Variants in REDIC1 observed in about 807,000 individuals in gnomAD.
REDIC1 encodes the protein regulator of DNA class I crossover intermediates 1.
chr12:39,685,201 T>G, the REDIC1 span, among the ~76,000 whole-genome samples: 5 of 152,348 alleles, frequency 3.3e-5, no homozygotes, highest in East Asian at 7.7e-4. Flanking sequence ...AACTTCTGTA[T>G]TAGTTGATTC....
chr12:39,674,271 C>T, the REDIC1 span, among the ~76,000 whole-genome samples: 2 of 152,116 alleles, frequency 1.3e-5, no homozygotes, highest in Non-Finnish European at 2.9e-5. Context: ...CTGTAAATTT[C>T]TTGTTGGCAA....
chr12:39,850,732 C>T, the REDIC1 span, among the ~76,000 whole-genome samples: 1 of 152,086 alleles, frequency 6.6e-6, no homozygotes. Context: ...TTTGATTACA[C>T]AGGCCAAGAT....
the REDIC1 span, among the ~76,000 whole-genome samples, chr12:39,748,265 G>T: frequency 1.1e-4 from 17 of 152,048 alleles, no homozygotes; most frequent in Non-Finnish European, 2.5e-4. Context: ...AAAGGCAGGG[G>T]TTGCAATCCT....
At chr12:39,846,226 A>C in the REDIC1 span, among the ~76,000 whole-genome samples, 1 of 152,168 alleles carries the variant, frequency 6.6e-6, no homozygotes, top group Non-Finnish European at 1.5e-5. Flanking sequence ...GTATATCAAC[A>C]TAGGTATTTT....
the REDIC1 span, among the ~76,000 whole-genome samples, chr12:39,667,869 T>C: frequency 4.6e-5 from 7 of 152,346 alleles, no homozygotes; most frequent in South Asian, 1.0e-3. Flanking sequence ...GTCTGTTTTA[T>C]CAGAGACTAG....
At chr12:39,868,027 A>T in the REDIC1 span, among the ~76,000 whole-genome samples, 2 of 152,250 alleles carry the variant, frequency 1.3e-5, no homozygotes, top group African/African-American at 2.4e-5. Flanking sequence ...GCATAAAACA[A>T]CTTGAATTAC....
the REDIC1 span, among the ~76,000 whole-genome samples, chr12:39,661,718 A>G: frequency 6.6e-6 from 1 of 152,006 alleles, no homozygotes; most frequent in Non-Finnish European, 1.5e-5. Flanking sequence ...AAGTCATAAA[A>G]TCTTTGCCTA....
At chr12:39,738,999 C>T in the REDIC1 span, among the ~76,000 whole-genome samples, 1 of 151,462 alleles carries the variant, frequency 6.6e-6, no homozygotes, top group Non-Finnish European at 1.5e-5. Context: ...ATTTCTGATT[C>T]AATATTTTTA....
chr12:39,790,754 C>G, the REDIC1 span, among the ~76,000 whole-genome samples: 1 of 79,158 alleles, frequency 1.3e-5, no homozygotes, highest in African/African-American at 4.9e-5. Context: ...ATGGCTGGGT[C>G]AAATGGTATT....
chr12:39,800,861 G>C, the REDIC1 span, among the ~76,000 whole-genome samples: 60 of 3,432 alleles, frequency 0.017, no homozygotes, highest in Middle Eastern at 0.083. Context: ...GTCCAACAAT[G>C]ATAGACTGGA....
chr12:39,853,549 C>G, the REDIC1 span, among the ~76,000 whole-genome samples: 1 of 147,070 alleles, frequency 6.8e-6, no homozygotes, highest in Non-Finnish European at 1.5e-5. Flanking sequence ...CTTTTCTTTT[C>G]TTTCTTTCTT....
At chr12:39,713,681 G>T in the REDIC1 span, among the ~76,000 whole-genome samples, 2 of 144,192 alleles carry the variant, frequency 1.4e-5, no homozygotes, top group Admixed American at 6.9e-5. Context: ...ATGTATGTAT[G>T]CCTGTATACA....
the REDIC1 span, among the ~76,000 whole-genome samples, chr12:39,879,860 T>A: frequency 6.6e-6 from 1 of 152,142 alleles, no homozygotes; most frequent in Admixed American, 6.5e-5. Flanking sequence ...AGAGGTGGAA[T>A]GATGTAGTTT....
At chr12:39,906,152 T>G in the REDIC1 span, among the ~76,000 whole-genome samples, 1 of 152,068 alleles carries the variant, frequency 6.6e-6, no homozygotes, top group Non-Finnish European at 1.5e-5. Flanking sequence ...TGTTTTCAAC[T>G]GAGTTCATCT....
At chr12:39,841,843 G>T in the REDIC1 span, among the ~76,000 whole-genome samples, 82,139 of 151,822 alleles carry the variant, frequency 0.54, 22,436 homozygotes, top group East Asian at 0.74. Context: ...GAAATTCTTA[G>T]GTTTGCAAAC....
chr12:39,901,984 C>A, the REDIC1 span, among the ~76,000 whole-genome samples: 2 of 151,974 alleles, frequency 1.3e-5, no homozygotes, highest in Admixed American at 6.6e-5. Flanking sequence ...AAATGTGGCA[C>A]ATATACACCA....
At chr12:39,767,466 A>C in the REDIC1 span, among the ~76,000 whole-genome samples, 1 of 152,002 alleles carries the variant, frequency 6.6e-6, no homozygotes, top group Non-Finnish European at 1.5e-5. Context: ...TTGGAGCGGC[A>C]AATGAGCATT....
the REDIC1 span, among the ~76,000 whole-genome samples, chr12:39,789,672 A>G: frequency 6.6e-6 from 1 of 152,200 alleles, no homozygotes; most frequent in Non-Finnish European, 1.5e-5. Flanking sequence ...CACTAGCAGT[A>G]GAAGACAGAG....
chr12:39,664,854 G>T, the REDIC1 span, among the ~76,000 whole-genome samples: 1 of 152,098 alleles, frequency 6.6e-6, no homozygotes, highest in Non-Finnish European at 1.5e-5. Context: ...TCATGTGTCT[G>T]TTGGCTGCAT....
Sources: allele counts gnomAD v4.1 joint callset (sites outside exome capture counted in the v4.1 genomes callset), GRCh38; gene constraint gnomAD v4.1.1; transcripts MANE v1.5; gene names NCBI Gene and HGNC (gene_info 2026-07-23, HGNC 2026-07-21).